CRYBG1: variants seen among roughly 807,000 people sequenced by gnomAD.
CRYBG1 encodes beta/gamma crystallin domain-containing protein 1.
In CRYBG1, 139 loss-of-function variants were observed where a neutral mutation model predicts 189.2. The ratio of observed to expected loss-of-function variants is 0.73; its 90% CI spans 0.64 to 0.85. The LOEUF (loss-of-function observed/expected upper bound fraction) is 0.85. Among genes scored for constraint, CRYBG1 ranks in the 40% least tolerant of loss-of-function variants. CRYBG1 has a pLI of 0.00. For missense variants in CRYBG1, 2,611 were observed against 2,675.8 expected (o/e 0.98, Z 0.53); for synonymous variants, 1,023 against 1,017.1 (o/e 1.01, Z -0.11).
At chr6:106,470,257 C>G (rs1385508140) in intron 2 of CRYBG1, among the ~76,000 whole-genome samples, 1 of 152,032 alleles carries the variant, frequency 6.6e-6, no homozygotes, top group African/African-American at 2.4e-5. Context: ...CCCAGGAGGT[C>G]AAGGGTGCAA....
chr6:106,567,953 C>T (rs1171099837), intron 21 of CRYBG1, among the ~76,000 whole-genome samples: 3 of 152,142 alleles, frequency 2.0e-5, no homozygotes, highest in Non-Finnish European at 4.4e-5. Context: ...GGGTGTCATC[C>T]AAACCTCCCC....
Position 106,511,944 on chromosome 6 carries a change from G to C in CRYBG1, c.827G>C (p.Gly276Ala), listed in dbSNP as rs1773271107. The C allele has an allele frequency of 3.3e-6, 5 of 1,527,652 alleles. No homozygotes were observed. The highest frequency in any genetic ancestry group is 4.4e-6 in the Non-Finnish European group (5 of 1,141,742). The allele number at this position is 1,527,652 out of a possible 1,614,324, so 94.6% of individuals were successfully genotyped here. The change falls in exon 3 of 22, where the codon GGG becomes GCG. Residue 276 changes from glycine to alanine, a missense_variant. Coordinates refer to ENST00000633556, the MANE Select transcript of CRYBG1 (RefSeq NM_001371242.2). Reference protein sequence around the residue: ...ENAETPARSPGEDASPGAGHE... With the variant: ...ENAETPARSPAEDASPGAGHE... ...GCAGAGACGCCCGCCCGCAGTCCGGGGGAGGACGCTTCACCAGGTGCTGGC... is the reference window on the plus strand; with the variant it reads ...GCAGAGACGCCCGCCCGCAGTCCGGCGGAGGACGCTTCACCAGGTGCTGGC...
At chr6:106,544,208 C>T (rs899043713) in intron 11 of CRYBG1, among the ~76,000 whole-genome samples, 1 of 152,214 alleles carries the variant, frequency 6.6e-6, no homozygotes, top group Non-Finnish European at 1.5e-5. Context: ...GAAGTGCACA[C>T]TAAAGTTGCT....
At chr6:106,413,114 G>A (rs1457887632) in intron 1 of CRYBG1, among the ~76,000 whole-genome samples, 1 of 152,116 alleles carries the variant, frequency 6.6e-6, no homozygotes, top group African/African-American at 2.4e-5. Flanking sequence ...TCATGAAGTG[G>A]CCTCCTCAAC....
At chr6:106,362,729 T>G (rs1482708825) in intron 1 of CRYBG1, among the ~76,000 whole-genome samples, 1 of 152,208 alleles carries the variant, frequency 6.6e-6, no homozygotes, top group Non-Finnish European at 1.5e-5. Context: ...TATTACCTAT[T>G]CAAACGTTTA....
intron 3 of CRYBG1, 130 bp from the exon 4 acceptor site, chr6:106,519,001 A>C (rs933930085): frequency 5.1e-5 from 49 of 962,836 alleles, no homozygotes; most frequent in Non-Finnish European, 7.4e-5. Flanking sequence ...ATACACACAC[A>C]CACACACCAC....
chr6:106,477,587 T>G (rs1271018092), intron 2 of CRYBG1, among the ~76,000 whole-genome samples: 1 of 152,316 alleles, frequency 6.6e-6, no homozygotes, highest in East Asian at 1.9e-4. Context: ...TTAAACTTCA[T>G]GTATTTGAGC....
intron 20 of CRYBG1, among the ~76,000 whole-genome samples, chr6:106,562,524 G>C (rs1341195887): frequency 1.3e-5 from 2 of 152,170 alleles, no homozygotes; most frequent in African/African-American, 4.8e-5. Flanking sequence ...GTCTTGCTCT[G>C]TCACCAGGCT....
At chr6:106,396,509 C>T (rs1466343702) in intron 1 of CRYBG1, among the ~76,000 whole-genome samples, 1 of 152,142 alleles carries the variant, frequency 6.6e-6, no homozygotes, top group Non-Finnish European at 1.5e-5. Context: ...TTCTTTATGA[C>T]AAACTTAGCA....
At position 106,519,546 on chromosome 6, in the gene CRYBG1, C is replaced by G. The variant is rs1461849723; in HGVS notation, c.2338C>G (p.Gln780Glu). Residue 780 changes from glutamine to glutamate, a missense_variant, in exon 4 of 22, where the codon CAG (glutamine) becomes GAG (glutamate). Around this residue, in one of 3 missense-constraint regions of CRYBG1, gnomAD observed 1,622 missense variants for 1,735.0 expected, o/e 0.93. Transcript: ENST00000633556. The part of the protein sequence containing the change: ...DSSENQALGP[Q>E]PNQDDKADVQ... ...TTCTGAGAATCAAGCTCTTGGTCCT[C>G]AGCCTAACCAAGATGATAAAGCAGA... 1 of 1,614,168 alleles carries G rather than the reference C, an allele frequency of 6.2e-7. No homozygotes were observed.
At chr6:106,382,178 G>C (rs1770301190) in intron 1 of CRYBG1, among the ~76,000 whole-genome samples, 1 of 152,152 alleles carries the variant, frequency 6.6e-6, no homozygotes, top group South Asian at 2.1e-4. Flanking sequence ...CATGTTGACA[G>C]TACACGTGTG....
chr6:106,555,374 A>T (rs895156286), intron 16 of CRYBG1, among the ~76,000 whole-genome samples: 7 of 151,984 alleles, frequency 4.6e-5, no homozygotes, highest in African/African-American at 1.4e-4. Flanking sequence ...TTGGAAGGAA[A>T]TCAATAGACC....
chr6:106,489,317 G>A (rs76189228), intron 2 of CRYBG1, among the ~76,000 whole-genome samples: 16,843 of 151,884 alleles, frequency 0.11, 1,169 homozygotes, highest in Non-Finnish European at 0.15. Flanking sequence ...TGGGTTAGGG[G>A]GATGAAAGCC....
intron 2 of CRYBG1, among the ~76,000 whole-genome samples, chr6:106,507,591 G>C (rs1238351870): frequency 6.6e-6 from 1 of 152,156 alleles, no homozygotes; most frequent in Non-Finnish European, 1.5e-5. Flanking sequence ...TGGTGGGTCT[G>C]TGGCTTCCCA....
intron 2 of CRYBG1, among the ~76,000 whole-genome samples, chr6:106,475,408 G>T (rs1772314745): frequency 6.6e-6 from 1 of 152,172 alleles, no homozygotes; most frequent in Admixed American, 6.5e-5. Context: ...TTAAGAGAAG[G>T]ATTTCAGTAA....
chr6:106,452,261 A>C (rs947716809), intron 2 of CRYBG1, among the ~76,000 whole-genome samples: 7 of 148,942 alleles, frequency 4.7e-5, no homozygotes, highest in Non-Finnish European at 7.4e-5. Flanking sequence ...AAAAAAAAAA[A>C]AAAACAAAAA....
At chr6:106,371,900 T>A (rs1770045748) in intron 1 of CRYBG1, among the ~76,000 whole-genome samples, 1 of 152,260 alleles carries the variant, frequency 6.6e-6, no homozygotes, top group South Asian at 2.1e-4. Context: ...TATCCTTTCC[T>A]GTTGTTCCAC....
chr6:106,468,681 C>A (rs1772162128), intron 2 of CRYBG1, among the ~76,000 whole-genome samples: 1 of 152,154 alleles, frequency 6.6e-6, no homozygotes, highest in African/African-American at 2.4e-5. Flanking sequence ...TAGAGTGAGA[C>A]TTTGTCTCAA....
intron 1 of CRYBG1, among the ~76,000 whole-genome samples, chr6:106,391,569 C>T (rs1311789895): frequency 1.3e-5 from 2 of 149,300 alleles, no homozygotes; most frequent in Non-Finnish European, 3.0e-5. Flanking sequence ...GACCATCAGT[C>T]TTTTTTTTTT....
Sources: allele counts gnomAD v4.1 joint callset (sites outside exome capture counted in the v4.1 genomes callset), GRCh38; gene constraint gnomAD v4.1.1; regional missense constraint gnomAD v4.1.1; transcripts MANE v1.5; gene names NCBI Gene and HGNC (gene_info 2026-07-23, HGNC 2026-07-21).